PTPRD: variants seen among roughly 807,000 people sequenced by gnomAD.
PTPRD encodes receptor-type tyrosine-protein phosphatase delta.
PTPRD carries 34 observed loss-of-function variants against 214.5 expected under a neutral mutation model. That is an observed-to-expected ratio of 0.16 (90% CI 0.12 to 0.21). PTPRD has a LOEUF of 0.21. Ranked by LOEUF, PTPRD falls within the 10% of genes least tolerant of loss-of-function variation. The pLI, the probability that PTPRD is intolerant of heterozygous loss-of-function variation, is 1.00. For missense variants in PTPRD, 2,545 were observed against 2,398.7 expected (o/e 1.06, Z -1.27); for synonymous variants, 1,128 against 845.7 (o/e 1.33, Z -5.79).
intron 3 of PTPRD, among the ~76,000 whole-genome samples, chr9:10,063,823 C>T (rs2097825346): frequency 2.0e-5 from 3 of 152,018 alleles, no homozygotes; most frequent in South Asian, 4.1e-4. Flanking sequence ...GGTAGCAGTA[C>T]TGGGGAAAAA....
intron 9 of PTPRD, among the ~76,000 whole-genome samples, chr9:9,256,572 C>G (rs1436353726): frequency 1.3e-5 from 2 of 151,970 alleles, no homozygotes; most frequent in Non-Finnish European, 2.9e-5. Context: ...ACTTGCTAAA[C>G]TGCTTCAACC....
Position 10,258,777 on chromosome 9 carries a change from C to T in PTPRD, c.-545+82186G>A, listed in dbSNP as rs532089264. On this transcript the variant is annotated intron_variant, in intron 3 of 45. Transcript: ENST00000381196. Reference sequence around the variant, plus strand: ...TCTTTCTCTCTCTTTCTTTCAAATCCTAAGGAAAAACAAGTGGTTAAAAAT... The same window carrying T: ...TCTTTCTCTCTCTTTCTTTCAAATCTTAAGGAAAAACAAGTGGTTAAAAAT... Among the ~76,000 whole-genome samples the T allele has an allele frequency of 4.6e-5, 7 of 152,068 alleles. No homozygotes were observed. The East Asian group carries it at 1.4e-3, about 29-fold the overall frequency.
At chr9:8,454,879 T>A (rs568347546) in intron 33 of PTPRD, among the ~76,000 whole-genome samples, 2 of 151,526 alleles carry the variant, frequency 1.3e-5, no homozygotes, top group Non-Finnish European at 2.9e-5. Flanking sequence ...CCATCACCTA[T>A]AAAATACTGC....
At chr9:10,067,230 T>C (rs1461803686) in intron 3 of PTPRD, among the ~76,000 whole-genome samples, 2 of 151,924 alleles carry the variant, frequency 1.3e-5, no homozygotes, top group Non-Finnish European at 2.9e-5. Context: ...AGCAGTACCA[T>C]TTATCTCCTG....
At chr9:10,422,894 T>G (rs2098557993) in intron 2 of PTPRD, among the ~76,000 whole-genome samples, 1 of 152,068 alleles carries the variant, frequency 6.6e-6, no homozygotes. Context: ...GAAGACAGTG[T>G]GGCGATTCCT....
At chr9:9,263,641 TTC>T (rs2099981110) in intron 9 of PTPRD, among the ~76,000 whole-genome samples, 1 of 151,718 alleles carries the variant, frequency 6.6e-6, no homozygotes, top group Admixed American at 6.6e-5. Context: ...TGATGTTCAT[TTC>T]TGTTTAAAGT....
intron 11 of PTPRD, among the ~76,000 whole-genome samples, chr9:8,916,817 G>C (rs1025927084): frequency 1.3e-5 from 2 of 152,072 alleles, no homozygotes; most frequent in Non-Finnish European, 2.9e-5. Context: ...GCTATAAAAT[G>C]AATTCTATTA....
intron 3 of PTPRD, among the ~76,000 whole-genome samples, chr9:10,083,139 A>C (rs919795699): frequency 2.3e-4 from 35 of 151,908 alleles, no homozygotes; most frequent in African/African-American, 7.2e-4. Flanking sequence ...AATATACCCT[A>C]TCCTTAAAGA....
At chr9:9,769,619 C>T (rs2098735816) in intron 5 of PTPRD, among the ~76,000 whole-genome samples, 1 of 151,802 alleles carries the variant, frequency 6.6e-6, no homozygotes, top group Admixed American at 6.6e-5. Context: ...AGCCACCGTG[C>T]CCGGCCACCA....
chr9:10,355,449 C>T (rs975564389), intron 2 of PTPRD, among the ~76,000 whole-genome samples: 5 of 151,364 alleles, frequency 3.3e-5, no homozygotes, highest in African/African-American at 1.2e-4. Flanking sequence ...CTATAGACGA[C>T]ACTTTAGAAA....
intron 43 of PTPRD, among the ~76,000 whole-genome samples, chr9:8,338,706 G>C (rs998443606): frequency 2.0e-5 from 3 of 151,938 alleles, no homozygotes; most frequent in African/African-American, 7.2e-5. Context: ...TGTTATGTTT[G>C]AATGAAAGCC....
intron 5 of PTPRD, among the ~76,000 whole-genome samples, chr9:9,896,678 T>G (rs898890154): frequency 8.6e-5 from 13 of 152,040 alleles, no homozygotes; most frequent in African/African-American, 2.9e-4. Flanking sequence ...GCTAACTGAC[T>G]CATGGATTAC....
chr9:9,737,000 C>T (rs1258923858), intron 6 of PTPRD, among the ~76,000 whole-genome samples: 1 of 151,934 alleles, frequency 6.6e-6, no homozygotes, highest in African/African-American at 2.4e-5. Context: ...ATCATATATA[C>T]ACATCTGTAT....
chr9:9,012,445 C>G (rs1438680501), intron 11 of PTPRD, among the ~76,000 whole-genome samples: 2 of 152,128 alleles, frequency 1.3e-5, no homozygotes, highest in Non-Finnish European at 2.9e-5. Flanking sequence ...ATAAGCCAAG[C>G]ATTATTCACC....
intron 2 of PTPRD, among the ~76,000 whole-genome samples, chr9:10,518,618 C>T (rs1033263504): frequency 9.2e-5 from 14 of 151,844 alleles, no homozygotes; most frequent in African/African-American, 2.4e-4. Flanking sequence ...CTTCAAGCTC[C>T]GCCTCCCAGG....
At chr9:8,852,515 C>T (rs1324588507) in intron 11 of PTPRD, among the ~76,000 whole-genome samples, 2 of 152,126 alleles carry the variant, frequency 1.3e-5, no homozygotes, top group African/African-American at 2.4e-5. Flanking sequence ...AAAGTGGGGA[C>T]CTGCCACGTA....
chr9:10,478,999 C>T (rs1226851340), intron 2 of PTPRD, among the ~76,000 whole-genome samples: 3 of 151,626 alleles, frequency 2.0e-5, no homozygotes, highest in Non-Finnish European at 4.4e-5. Context: ...TTTTAAAAGC[C>T]CTTCAAAAAC....
In PTPRD at chr9:9,087,314, A is replaced by C. The variant is rs569872259; in HGVS notation, c.-142-68579T>G. On this transcript the variant is annotated intron_variant, in intron 10 of 45. Transcript: ENST00000381196. ...AAATAGAATGTGCATAGATGAATGT[A>C]ATAGAGAAGATAAATCACAAATAAT... Among the ~76,000 whole-genome samples the C allele has an allele frequency of 1.6e-4, 25 of 152,328 alleles. No individual in the cohort carries two copies. The South Asian group carries it at 5.2e-3, about 32-fold the overall frequency.
chr9:8,571,424 A>G (rs919215131), intron 14 of PTPRD, among the ~76,000 whole-genome samples: 3 of 152,142 alleles, frequency 2.0e-5, no homozygotes, highest in African/African-American at 7.2e-5. Flanking sequence ...AAAGACCAGT[A>G]ACTGAGAATT....
Sources: allele counts gnomAD v4.1 joint callset (sites outside exome capture counted in the v4.1 genomes callset), GRCh38; gene constraint gnomAD v4.1.1; transcripts MANE v1.5; gene names NCBI Gene and HGNC (gene_info 2026-07-23, HGNC 2026-07-21).